Variants in BRD10 observed in about 807,000 individuals in gnomAD.
BRD10 encodes bromodomain containing 10.
the BRD10 span, among the ~76,000 whole-genome samples, chr9:5,933,184 G>C: frequency 1.5e-4 from 23 of 152,198 alleles, no homozygotes; most frequent in East Asian, 4.1e-3. Context: ...TTTTAGTTCT[G>C]ACTCTCCTTT....
the BRD10 span, among the ~76,000 whole-genome samples, chr9:5,936,124 G>T: frequency 1.3e-5 from 2 of 152,146 alleles, no homozygotes; most frequent in Admixed American, 1.3e-4. Context: ...GGGAGGCAGA[G>T]GAAGGTAAAT....
chr9:5,898,240 G>A, the BRD10 span: 1 of 152,800 alleles, frequency 6.5e-6, no homozygotes, highest in African/African-American at 2.4e-5. Context: ...GTAGAGACGA[G>A]GTCCCACTAT....
the BRD10 span, among the ~76,000 whole-genome samples, chr9:5,896,117 T>C: frequency 2.6e-5 from 4 of 152,226 alleles, no homozygotes; most frequent in Non-Finnish European, 5.9e-5. Flanking sequence ...TTGCTTGGTC[T>C]CCCGTTCCAG....
chr9:5,892,453 T>G, the BRD10 span: 1 of 1,605,292 alleles, frequency 6.2e-7, no homozygotes, highest in Non-Finnish European at 8.5e-7. Flanking sequence ...CTGTTAGGTG[T>G]CCTGTGCCCT....
the BRD10 span, among the ~76,000 whole-genome samples, chr9:5,993,478 A>G: frequency 1.3e-5 from 2 of 152,198 alleles, no homozygotes; most frequent in Non-Finnish European, 1.5e-5. Flanking sequence ...GACTATTTAC[A>G]AATGTGCAGG....
At chr9:5,886,334 C>G in the BRD10 span, among the ~76,000 whole-genome samples, 4 of 152,000 alleles carry the variant, frequency 2.6e-5, no homozygotes, top group South Asian at 2.1e-4. Flanking sequence ...CTAGCAGGTA[C>G]AAATCCTAAC....
At chr9:6,006,472 C>T in the BRD10 span, among the ~76,000 whole-genome samples, 1 of 152,198 alleles carries the variant, frequency 6.6e-6, no homozygotes, top group African/African-American at 2.4e-5. Context: ...ACAATACATT[C>T]ATTTTAGTAT....
the BRD10 span, among the ~76,000 whole-genome samples, chr9:5,928,747 A>T: frequency 6.6e-6 from 1 of 152,084 alleles, no homozygotes; most frequent in African/African-American, 2.4e-5. Context: ...ACCCTGCCCA[A>T]ATCAGCCATT....
At chr9:5,981,633 T>C in the BRD10 span, among the ~76,000 whole-genome samples, 4 of 151,642 alleles carry the variant, frequency 2.6e-5, no homozygotes, top group African/African-American at 9.7e-5. Context: ...TCTATCTATC[T>C]ATCTATCTAT....
chr9:5,905,374 G>A, the BRD10 span, among the ~76,000 whole-genome samples: 2 of 152,250 alleles, frequency 1.3e-5, no homozygotes, highest in Non-Finnish European at 2.9e-5. Context: ...AGAGTTTTAG[G>A]TACAACTGAC....
At chr9:5,954,484 T>C in the BRD10 span, among the ~76,000 whole-genome samples, 1 of 152,216 alleles carries the variant, frequency 6.6e-6, no homozygotes, top group East Asian at 1.9e-4. Flanking sequence ...AGTCAGGAAC[T>C]TGCATAAGAA....
chr9:5,921,685 A>G, the BRD10 span: 1 of 1,613,898 alleles, frequency 6.2e-7, no homozygotes, highest in Middle Eastern at 1.6e-4. Context: ...GTTGCTGTTT[A>G]GTTGGAGTAT....
the BRD10 span, among the ~76,000 whole-genome samples, chr9:5,980,626 A>G: frequency 6.6e-6 from 1 of 152,150 alleles, no homozygotes; most frequent in Non-Finnish European, 1.5e-5. Flanking sequence ...AAATTTCTGT[A>G]GACCAGGGTT....
chr9:5,939,219 T>C, the BRD10 span, among the ~76,000 whole-genome samples: 1 of 152,156 alleles, frequency 6.6e-6, no homozygotes, highest in Non-Finnish European at 1.5e-5. Flanking sequence ...TTATTACACG[T>C]AGTTTTATAA....
At chr9:5,965,067 A>G in the BRD10 span, among the ~76,000 whole-genome samples, 12 of 151,046 alleles carry the variant, frequency 7.9e-5, no homozygotes, top group Admixed American at 1.3e-4. Flanking sequence ...AAAAAAAAAA[A>G]AAAAAAGAAA....
At chr9:6,004,477 A>C in the BRD10 span, among the ~76,000 whole-genome samples, 1 of 152,162 alleles carries the variant, frequency 6.6e-6, no homozygotes, top group Non-Finnish European at 1.5e-5. Flanking sequence ...GCTGCTCTCT[A>C]ATGAGAATGT....
chr9:5,907,065 A>C, the BRD10 span: 4 of 1,045,586 alleles, frequency 3.8e-6, no homozygotes, highest in Non-Finnish European at 4.1e-6. Flanking sequence ...GAATACAATT[A>C]TTTCCATTTA....
the BRD10 span, chr9:5,919,887 A>C: frequency 2.5e-6 from 4 of 1,613,962 alleles, no homozygotes; most frequent in Non-Finnish European, 3.4e-6. Context: ...TCCAAATGAA[A>C]CACTGAAGTG....
the BRD10 span, among the ~76,000 whole-genome samples, chr9:6,002,332 A>C: frequency 6.6e-6 from 1 of 152,216 alleles, no homozygotes; most frequent in African/African-American, 2.4e-5. Context: ...TGGCTACTAT[A>C]ATAAATAGAA....
Sources: gnomAD v4.1 joint callset for allele counts (sites outside exome capture counted in the v4.1 genomes callset) on GRCh38, gnomAD v4.1.1 for gene constraint, MANE v1.5 for transcripts, NCBI Gene and HGNC (gene_info 2026-07-23, HGNC 2026-07-21) for gene names.